R3HDM4: variants seen among roughly 807,000 people sequenced by gnomAD.
The protein encoded by R3HDM4 is R3H domain containing 4, also known as R3H domain-containing protein 4.
In R3HDM4, 30 loss-of-function variants were observed where a neutral mutation model predicts 31.3. That is an observed-to-expected ratio of 0.96 (90% confidence interval 0.72 to 1.30). The LOEUF (loss-of-function observed/expected upper bound fraction) is 1.30. Ranked by LOEUF, R3HDM4 falls within the 50% of genes most tolerant of loss-of-function variation. The pLI, the probability that R3HDM4 is intolerant of heterozygous loss-of-function variation, is 0.00. For synonymous variants in R3HDM4, 196 were observed against 156.6 expected (o/e 1.25, Z -1.88); for missense variants, 444 against 366.1 (o/e 1.21, Z -1.74).
At position 896,834 on chromosome 19, in the gene R3HDM4, GA is replaced by G. The variant is rs1170533092; in HGVS notation, c.*602del. 6.6e-6 allele frequency: 1 copy of G among 152,484 alleles called. No individual in the cohort carries two copies. The highest frequency in any genetic ancestry group is 1.9e-4 in the East Asian group (1 of 5,188). 9.4% of individuals were successfully genotyped at this position (152,484 alleles called of 1,614,324 possible). On this transcript the variant is annotated 3_prime_UTR_variant, in exon 8 of 8. Coordinates refer to ENST00000361574, the MANE Select transcript of R3HDM4 (RefSeq NM_138774.4). This position sits in a 1 kb window ranked among gnomAD's most constrained non-coding sequence, Gnocchi z 4.0. ...TGGCGTGGGGGAGGACACGCAGAAT[GA>G]CGAGGATAAAACCGGCTCTTAGGAC...
rs1358169450 is a variant in R3HDM4, at chr19:899,818, A to G, written c.562-132T>C. On this transcript the variant is annotated intron_variant, in intron 5 of 7. Transcript: ENST00000361574. The surrounding 1 kb of genome is among the most constrained non-coding windows in gnomAD (Gnocchi z 6.8). Reference sequence around the variant, plus strand: ...CTGACCCACCACGTGAGGCTGCTTAAGTGTCTCTGAGGCCACCATGCCACC... The same window carrying G: ...CTGACCCACCACGTGAGGCTGCTTAGGTGTCTCTGAGGCCACCATGCCACC... 2.5e-6 allele frequency: 2 copies of G among 792,330 alleles called. No individual in the cohort carries two copies. The highest frequency in any genetic ancestry group is 4.0e-6 in the Non-Finnish European group (2 of 504,678). The allele number at this position is 792,330 out of a possible 1,614,324, so 49.1% of individuals were successfully genotyped here.
chr19:900,822 C>G lies in R3HDM4; in HGVS notation c.475+7G>C. The G allele has an allele frequency of 1.3e-6, 2 of 1,523,362 alleles. No homozygotes were observed. The highest frequency in any genetic ancestry group is 1.8e-6 in the Non-Finnish European group (2 of 1,131,384). 94.4% of individuals were successfully genotyped at this position (1,523,362 alleles called of 1,614,324 possible). On this transcript the variant is annotated splice_region_variant and intron_variant, in intron 4 of 7. Transcript: ENST00000361574. ...CCCACCCATACCCGCCCCAGCCAGG[C>G]CCGCACCTCTCCTCCGGTCCTCCCC... is the stretch of plus-strand genomic sequence containing the variant.
At chr19:898,945 G>A (rs1008134591) in intron 7 of R3HDM4, among the ~76,000 whole-genome samples, 13 of 152,320 alleles carry the variant, frequency 8.5e-5, no homozygotes, top group Admixed American at 6.5e-4. Context: ...TGGGGTGCCT[G>A]GGGCCGGCGG....
intron 3 of R3HDM4, chr19:901,188 C>T (rs2036831851): frequency 3.0e-6 from 2 of 663,242 alleles, no homozygotes; most frequent in Non-Finnish European, 5.0e-6. Flanking sequence ...CTCCTGCAAT[C>T]GTTGGAGGGT....
At chr19:906,198 ATT>A (rs1568342557) in intron 1 of R3HDM4, among the ~76,000 whole-genome samples, 1 of 91,144 alleles carries the variant, frequency 1.1e-5, no homozygotes. Flanking sequence ...CTAATTTTTT[ATT>A]TATTTTTAGT....
intron 7 of R3HDM4, among the ~76,000 whole-genome samples, chr19:898,570 G>T (rs1302436429): frequency 6.6e-6 from 1 of 152,030 alleles, no homozygotes; most frequent in African/African-American, 2.4e-5. Flanking sequence ...CTGCACTCCA[G>T]CCTGGGTGGC....
rs777227206 is a variant in R3HDM4, at chr19:897,421, C to T, written c.*16G>A. 1 of 1,566,014 alleles carries T rather than the reference C, an allele frequency of 6.4e-7. No individual in the cohort carries two copies. The highest frequency in any genetic ancestry group is 2.3e-5 in the East Asian group (1 of 43,536). ...TGGCTGGGCGAGGTGGCAGCGGGGT[C>T]TCCGCGGGGCCGCCATCAGCTGTGC... On this transcript the variant is annotated 3_prime_UTR_variant, in exon 8 of 8. Transcript: ENST00000361574.
chr19:906,368 C>T (rs1000006737), intron 1 of R3HDM4, among the ~76,000 whole-genome samples: 18 of 152,004 alleles, frequency 1.2e-4, no homozygotes, highest in East Asian at 1.9e-4. Context: ...TACAGGTGCC[C>T]GCCACCACGC....
At chr19:901,365 C>A (rs1176159605) in intron 3 of R3HDM4, 57 bp downstream of exon 3, 5 of 1,558,402 alleles carry the variant, frequency 3.2e-6, no homozygotes, top group Non-Finnish European at 4.3e-6. Flanking sequence ...ATGGCCTGGC[C>A]GTAGGAGAAC....
Position 901,460 on chromosome 19 carries a change from T to G in R3HDM4, c.313A>C (p.Ile105Leu), listed in dbSNP as rs765758916. 6.2e-7 allele frequency: 1 copy of G among 1,609,228 alleles called. No homozygotes were observed. The highest frequency in any genetic ancestry group is 1.1e-5 in the South Asian group (1 of 90,686). Residue 105 changes from isoleucine (I) to leucine (L), a missense_variant, in exon 3 of 8, where the codon ATC becomes CTC. Physicochemically the swap from Ile to Leu is conservative, Grantham distance 5 (BLOSUM62 2). Transcript: ENST00000361574. ...GDLAPPASPGIFAEACNNATY... is the reference protein window; with the variant it reads ...GDLAPPASPGLFAEACNNATY... ...GCGTTGTTGCAGGCCTCGGCAAAGATGCCTGGTGATGCAGGGGGTGCCAAG... is the reference window on the plus strand; with the variant it reads ...GCGTTGTTGCAGGCCTCGGCAAAGAGGCCTGGTGATGCAGGGGGTGCCAAG...
intron 1 of R3HDM4, among the ~76,000 whole-genome samples, chr19:905,335 T>G (rs1015383585): frequency 6.6e-6 from 1 of 151,300 alleles, no homozygotes; most frequent in African/African-American, 2.4e-5. Flanking sequence ...CCATGTTTAG[T>G]CTCTACTAAA....
At chr19:901,576 G>A (rs767817047) in intron 2 of R3HDM4, 30 bp from the exon 3 acceptor site, 1 of 1,586,048 alleles carries the variant, frequency 6.3e-7, no homozygotes, top group Non-Finnish European at 8.6e-7. Flanking sequence ...CTCTGGGCCG[G>A]GGTGGCATTT....
chr19:898,633 A>G (rs890576877), intron 7 of R3HDM4, among the ~76,000 whole-genome samples: 4 of 151,402 alleles, frequency 2.6e-5, no homozygotes, highest in African/African-American at 7.3e-5. Flanking sequence ...ACAAAAAAAA[A>G]GAGCCACGTC....
intron 1 of R3HDM4, among the ~76,000 whole-genome samples, chr19:909,891 A>G (rs953629282): frequency 6.6e-6 from 1 of 151,924 alleles, no homozygotes; most frequent in African/African-American, 2.4e-5. Context: ...AGGCCCCCTT[A>G]GAGGAGACGT....
chr19:902,364 T>C (rs1356023586), intron 1 of R3HDM4: 1 of 533,944 alleles, frequency 1.9e-6, no homozygotes, highest in Admixed American at 3.1e-5. Flanking sequence ...GATCCCAGCA[T>C]TGTGGGAGGC....
chr19:911,167 C>T (rs574330764), intron 1 of R3HDM4, among the ~76,000 whole-genome samples: 3 of 151,744 alleles, frequency 2.0e-5, no homozygotes, highest in Admixed American at 1.3e-4. Flanking sequence ...TACTAAAGAC[C>T]GGGTGCGGTG....
chr19:899,055 C>CGTGT lies in R3HDM4; in HGVS notation c.703+381_703+384dup, dbSNP rs2036786618. 6.6e-6 allele frequency among the ~76,000 whole-genome samples: 1 copy of CGTGT among 152,070 alleles called. No homozygotes were observed. Among genetic ancestry groups the CGTGT allele is most frequent in the African/African-American group, 2.4e-5 (1 of 41,418 alleles). Reference sequence around the variant, plus strand: ...GTAGGGGGTCTCGCCTGAGGTCCCACGTGTGGTATGTGGGAGGCCTTAGAG... The same window carrying CGTGT: ...GTAGGGGGTCTCGCCTGAGGTCCCACGTGTGTGTGGTATGTGGGAGGCCTTAGAG... On this transcript the variant is annotated intron_variant, in intron 7 of 7. Coordinates refer to ENST00000361574, the MANE Select transcript of R3HDM4 (RefSeq NM_138774.4). This position sits in a 1 kb window ranked among gnomAD's most constrained non-coding sequence, Gnocchi z 6.8.
In R3HDM4 at chr19:905,582, G is replaced by A. The variant is rs564784823; in HGVS notation, c.72-3452C>T. Among the ~76,000 whole-genome samples the A allele has an allele frequency of 9.9e-5, 15 of 150,996 alleles. No individual in the cohort carries two copies. In the South Asian group the frequency reaches 2.5e-3, roughly 25 times the overall value. On this transcript the variant is annotated intron_variant, in intron 1 of 7. Coordinates refer to ENST00000361574, the MANE Select transcript of R3HDM4 (RefSeq NM_138774.4). ...CACCTGTAATCCTAGCTACTCGGGA[G>A]GCTGAGGCAGGAGAATCACTTGAAC...
In R3HDM4 at chr19:913,152, G is replaced by T. The variant is rs561923131; in HGVS notation, c.6C>A (p.Val2=). Residue 2 remains valine (V), a synonymous_variant, in exon 1 of 8, where the codon GTC becomes GTA. Coordinates refer to ENST00000361574, the MANE Select transcript of R3HDM4 (RefSeq NM_138774.4). This position sits in a 1 kb window ranked among gnomAD's most constrained non-coding sequence, Gnocchi z 5.0. ...GGCCGCACTCGGGGTTCTCCAGCGC[G>T]ACCATGGCTCGCACGCTGTCGCCGC... The part of the protein sequence containing the change: M[V]ALENPECGPE... The T allele has an allele frequency of 1.3e-4, 135 of 1,079,630 alleles. No homozygotes were observed. In the African/African-American group the frequency reaches 2.0e-3, roughly 16 times the overall value. The allele number at this position is 1,079,630 out of a possible 1,614,324, so 66.9% of individuals were successfully genotyped here. A position where few individuals can be genotyped will look rare whatever the true frequency, so the allele number is the denominator to read the frequency against.
Sources: allele counts gnomAD v4.1 joint callset (sites outside exome capture counted in the v4.1 genomes callset), GRCh38; gene constraint gnomAD v4.1.1; non-coding constraint Gnocchi (gnomAD v3.1); transcripts MANE v1.5; gene names NCBI Gene and HGNC (gene_info 2026-07-23, HGNC 2026-07-21).